PLEKHA7: variants seen among roughly 807,000 people sequenced by gnomAD.
PLEKHA7 encodes the protein pleckstrin homology domain-containing family A member 7.
PLEKHA7 carries 104 observed loss-of-function variants against 170.0 expected under a neutral mutation model. The observed-to-expected ratio is 0.61, with a 90% confidence interval of 0.52 to 0.72. The LOEUF (loss-of-function observed/expected upper bound fraction) is 0.72. Among genes scored for constraint, PLEKHA7 ranks in the 30% least tolerant of loss-of-function variants. The pLI, the probability that PLEKHA7 is intolerant of heterozygous loss-of-function variation, is 0.00. For synonymous variants in PLEKHA7, 648 were observed against 660.8 expected (o/e 0.98, Z 0.30); for missense variants, 1,615 against 1,671.7 (o/e 0.97, Z 0.59).
chr11:16,944,760 C>A (rs1227184030), intron 3 of PLEKHA7, among the ~76,000 whole-genome samples: 5 of 152,014 alleles, frequency 3.3e-5, no homozygotes. Flanking sequence ...TGACTTTGCT[C>A]CAAGAATCCT....
intron 3 of PLEKHA7, among the ~76,000 whole-genome samples, chr11:17,000,251 AT>A (rs1423599082): frequency 5.3e-5 from 8 of 151,520 alleles, no homozygotes; most frequent in African/African-American, 1.5e-4. Flanking sequence ...TACCCAACTA[AT>A]TTTTTTTGTT....
chr11:16,880,312 ACT>A (rs1287050353), intron 3 of PLEKHA7, among the ~76,000 whole-genome samples: 5 of 152,238 alleles, frequency 3.3e-5, no homozygotes, highest in Non-Finnish European at 5.9e-5. Flanking sequence ...TCTGCCACAC[ACT>A]GGTAGTGCAT....
At chr11:16,838,166 A>G (rs535550077) in intron 9 of PLEKHA7, among the ~76,000 whole-genome samples, 2 of 152,326 alleles carry the variant, frequency 1.3e-5, no homozygotes, top group East Asian at 3.9e-4. Flanking sequence ...AACTCAGTAG[A>G]AAAATGGGCA....
At chr11:16,998,870 C>A (rs1864500592) in intron 3 of PLEKHA7, among the ~76,000 whole-genome samples, 2 of 151,870 alleles carry the variant, frequency 1.3e-5, no homozygotes, top group Non-Finnish European at 2.9e-5. Flanking sequence ...CAAACACTTT[C>A]TTTGGTGGGT....
intron 3 of PLEKHA7, among the ~76,000 whole-genome samples, chr11:16,932,394 C>T (rs1454344235): frequency 2.0e-5 from 3 of 151,674 alleles, no homozygotes; most frequent in Non-Finnish European, 2.9e-5. Flanking sequence ...CCTCTCACCT[C>T]AGCCTCCCCA....
rs78016120 is a variant in PLEKHA7 at position 16,821,711 on chromosome 11, A to G, written c.1344-4389T>C. Among the ~76,000 whole-genome samples, 1,013 of 152,222 alleles carry G rather than the reference A, an allele frequency of 6.7e-3. 6 individuals are homozygous for G. The highest frequency in any genetic ancestry group is 0.022 in the African/African-American group (926 of 41,556). ...TGACTAACTGTAAGAGACTACAAATATATCTTTAAGAAAAAAAAAATCTGG... is the reference window on the plus strand; with the variant it reads ...TGACTAACTGTAAGAGACTACAAATGTATCTTTAAGAAAAAAAAAATCTGG... On this transcript the variant is annotated intron_variant, in intron 10 of 26. Coordinates refer to ENST00000531066, the MANE Select transcript of PLEKHA7 (RefSeq NM_001329630.2).
chr11:16,889,420 A>T (rs382332), intron 3 of PLEKHA7, among the ~76,000 whole-genome samples: 4,859 of 74,202 alleles, frequency 0.065, 288 homozygotes, highest in African/African-American at 0.14. Context: ...AAAAAAAAAA[A>T]ATATATATAT....
At chr11:16,898,529 A>C (rs1857134910) in intron 3 of PLEKHA7, among the ~76,000 whole-genome samples, 2 of 152,264 alleles carry the variant, frequency 1.3e-5, no homozygotes, top group African/African-American at 4.8e-5. Context: ...AATAGTGCCT[A>C]CTTTGGAGCA....
intron 3 of PLEKHA7, among the ~76,000 whole-genome samples, chr11:16,899,995 G>C (rs950236724): frequency 6.6e-6 from 1 of 152,162 alleles, no homozygotes; most frequent in African/African-American, 2.4e-5. Flanking sequence ...AGGTGTGGGG[G>C]GCAGGCACTT....
At chr11:16,823,531 A>G (rs554886258) in intron 10 of PLEKHA7, among the ~76,000 whole-genome samples, 1 of 152,260 alleles carries the variant, frequency 6.6e-6, no homozygotes, top group Non-Finnish European at 1.5e-5. Context: ...CACATTCCCT[A>G]TAGCCTCCTG....
chr11:16,884,986 G>A (rs1855973518), intron 3 of PLEKHA7, among the ~76,000 whole-genome samples: 1 of 152,182 alleles, frequency 6.6e-6, no homozygotes, highest in Non-Finnish European at 1.5e-5. Context: ...CTCCTACTTT[G>A]TACCAACATC....
At chr11:16,970,401 G>A (rs796204735) in intron 3 of PLEKHA7, among the ~76,000 whole-genome samples, 47 of 152,256 alleles carry the variant, frequency 3.1e-4, no homozygotes, top group African/African-American at 1.1e-3. Flanking sequence ...GCTCACTCCT[G>A]TAATCCCAGC....
chr11:16,828,757 T>TG (rs1271201656), intron 9 of PLEKHA7, among the ~76,000 whole-genome samples: 3 of 152,206 alleles, frequency 2.0e-5, no homozygotes, highest in African/African-American at 7.2e-5. Flanking sequence ...GCTGACTCCC[T>TG]GTCCAGCTGA....
At chr11:16,954,258 G>A (rs1199884530) in intron 3 of PLEKHA7, among the ~76,000 whole-genome samples, 1 of 152,196 alleles carries the variant, frequency 6.6e-6, no homozygotes, top group African/African-American at 2.4e-5. Context: ...GCTCACACCT[G>A]TAATCTCAGC....
rs773556611 is a variant in PLEKHA7 at position 16,782,255 on chromosome 11, T to C, written c.3793+499A>G. Among the ~76,000 whole-genome samples, 56 of 152,142 alleles carry C rather than the reference T, an allele frequency of 3.7e-4. 1 individual carries two copies. Among genetic ancestry groups the C allele is most frequent in the Non-Finnish European group, 6.5e-4 (44 of 68,010 alleles). On this transcript the variant is annotated intron_variant, in intron 26 of 26. Coordinates refer to ENST00000531066, the MANE Select transcript of PLEKHA7 (RefSeq NM_001329630.2). ...CCCACTTTCCAAGTCCTGTACTTTCTGGCACAGTACACTGTGATGAGGTGA... is the reference window on the plus strand; with the variant it reads ...CCCACTTTCCAAGTCCTGTACTTTCCGGCACAGTACACTGTGATGAGGTGA...
chr11:16,886,832 T>G (rs1360027575), intron 3 of PLEKHA7, among the ~76,000 whole-genome samples: 1 of 152,148 alleles, frequency 6.6e-6, no homozygotes, highest in Admixed American at 6.5e-5. Context: ...AACAAATATT[T>G]GAGAGCCAAC....
chr11:16,846,288 CAAAAAGGAAAGA>C (rs984693810), intron 8 of PLEKHA7, among the ~76,000 whole-genome samples: 3 of 149,406 alleles, frequency 2.0e-5, no homozygotes, highest in Non-Finnish European at 3.0e-5. Flanking sequence ...CCATGGAAAG[CAAAAAGGAAAGA>C]AAAAAGGAAA....
At chr11:16,896,295 T>C (rs1035350538) in intron 3 of PLEKHA7, among the ~76,000 whole-genome samples, 4 of 152,210 alleles carry the variant, frequency 2.6e-5, no homozygotes, top group African/African-American at 9.6e-5. Context: ...CAAGGAGCAC[T>C]TGGAAGAATG....
At chr11:16,871,815 T>C (rs1854876347) in intron 3 of PLEKHA7, among the ~76,000 whole-genome samples, 1 of 152,138 alleles carries the variant, frequency 6.6e-6, no homozygotes, top group Admixed American at 6.5e-5. Context: ...TGTAGGTGTT[T>C]TGTGCATCAA....
Sources: gnomAD v4.1 joint callset for allele counts (sites outside exome capture counted in the v4.1 genomes callset) on GRCh38, gnomAD v4.1.1 for gene constraint, MANE v1.5 for transcripts, NCBI Gene and HGNC (gene_info 2026-07-23, HGNC 2026-07-21) for gene names.